The following CERK variants were observed in gnomAD, a reference collection of about 807,000 sequenced individuals.
The protein encoded by CERK is ceramide kinase.
In CERK, 39 loss-of-function variants were observed where a neutral mutation model predicts 63.4. The ratio of observed to expected loss-of-function variants is 0.61; its 90% CI spans 0.48 to 0.80. The LOEUF is 0.80. CERK is among the 30% of genes least tolerant of loss of function. The pLI is 0.00. For synonymous variants in CERK, 302 were observed against 280.0 expected, an observed-to-expected ratio of 1.08 and a Z score of -0.78; for missense variants, 670 against 714.1, an observed-to-expected ratio of 0.94 and a Z score of 0.70.
intron 3 of CERK, among the ~76,000 whole-genome samples, chr22:46,718,053 G>A (rs958379236): frequency 5.3e-5 from 8 of 152,024 alleles, no homozygotes; most frequent in Non-Finnish European, 7.4e-5. Flanking sequence ...ACTCCAGCCC[G>A]GATGATGGAG....
chr22:46,707,012 C>T (rs989850910), intron 6 of CERK, among the ~76,000 whole-genome samples: 2 of 152,076 alleles, frequency 1.3e-5, no homozygotes, highest in Admixed American at 1.3e-4. Flanking sequence ...TGAGGGCTAG[C>T]CTTTCCCTTG....
chr22:46,691,084 C>CACACACACACACACACAT (rs1488775318), intron 11 of CERK, among the ~76,000 whole-genome samples: 8 of 151,202 alleles, frequency 5.3e-5, no homozygotes, highest in Admixed American at 2.6e-4. Context: ...CACACACACA[C>CACACACACACACACACAT]ATATATTTGA....
At chr22:46,724,747 G>A (rs182645010) in intron 1 of CERK, among the ~76,000 whole-genome samples, 1 of 152,146 alleles carries the variant, frequency 6.6e-6, no homozygotes, top group African/African-American at 2.4e-5. Context: ...CAGCAGGGCG[G>A]GGTGGCTCAC....
Position 46,721,001 on chromosome 22 carries a change from G to A in CERK, c.157C>T (p.Pro53Ser), listed in dbSNP as rs762158435. 4.3e-6 allele frequency: 7 copies of A among 1,611,308 alleles called. No individual in the cohort carries two copies. In the Admixed American group the frequency reaches 1.2e-4, roughly 27 times the overall value. ...TCAACGGCGATGATCTCAGATACAG[G>A]CACAGAGCAGGCATCTGTAAAAACA... ...GAPGADACSV[P>S]VSEIIAVEET... The change falls in exon 2 of 13, where the codon CCT becomes TCT. Residue 53 changes from proline (P) to serine (S), a missense_variant. Coordinates refer to ENST00000216264, the MANE Select transcript of CERK (RefSeq NM_022766.6).
At chr22:46,691,911 C>T (rs1569318657) in intron 10 of CERK, 134 bp from the exon 11 acceptor site, 3 of 645,900 alleles carry the variant, frequency 4.6e-6, no homozygotes, top group East Asian at 5.6e-5. Flanking sequence ...ATCGACTCTT[C>T]AGCTCAACAC....
chr22:46,698,109 C>T (rs1242804124), intron 8 of CERK, among the ~76,000 whole-genome samples: 1 of 152,230 alleles, frequency 6.6e-6, no homozygotes, highest in Non-Finnish European at 1.5e-5. Context: ...TGCAGGTGCC[C>T]ACCACAGTCT....
chr22:46,695,296 G>A lies in CERK; in HGVS notation c.963C>T (p.Ser321=). The part of the protein sequence containing the change: ...YDFSGLKTFL[S]HHCYEGTVSF... ...ACACTGTCCCTTCATAGCAGTGGTGGGAGAGGAAGGTCTTTAAACCTGGGA... is the reference window on the plus strand; with the variant it reads ...ACACTGTCCCTTCATAGCAGTGGTGAGAGAGGAAGGTCTTTAAACCTGGGA... The change falls in exon 9 of 13, where the codon TCC becomes TCT. Residue 321 remains serine, a synonymous_variant. Coordinates refer to ENST00000216264, the MANE Select transcript of CERK (RefSeq NM_022766.6). 1.2e-6 allele frequency: 2 copies of A among 1,606,806 alleles called. No individual in the cohort carries two copies. Among genetic ancestry groups the A allele is most frequent in the Non-Finnish European group, 1.7e-6 (2 of 1,173,314 alleles).
chr22:46,734,593 CA>C (rs1217674788), intron 1 of CERK, among the ~76,000 whole-genome samples: 1 of 152,190 alleles, frequency 6.6e-6, no homozygotes, highest in East Asian at 1.9e-4. Flanking sequence ...ACACAATTAT[CA>C]AAATTTAACC....
intron 3 of CERK, among the ~76,000 whole-genome samples, chr22:46,719,532 C>T (rs1352117368): frequency 6.6e-6 from 1 of 152,106 alleles, no homozygotes; most frequent in Non-Finnish European, 1.5e-5. Context: ...ATTAGCCAGG[C>T]GTGGTGGCGC....
intron 1 of CERK, among the ~76,000 whole-genome samples, chr22:46,722,969 G>A (rs942150941): frequency 6.6e-6 from 1 of 152,208 alleles, no homozygotes; most frequent in Non-Finnish European, 1.5e-5. Flanking sequence ...AGGCCGCTGG[G>A]AAGGAAAGGG....
chr22:46,689,246 C>A (rs2082718208), intron 12 of CERK, among the ~76,000 whole-genome samples: 1 of 152,266 alleles, frequency 6.6e-6, no homozygotes, highest in South Asian at 2.1e-4. Context: ...CCCAGCCCTG[C>A]TGCCTCCTGC....
At chr22:46,702,221 A>ATGTGTGTGTGTGTGTGTG (rs1466132272) in intron 6 of CERK, among the ~76,000 whole-genome samples, 1 of 113,370 alleles carries the variant, frequency 8.8e-6, no homozygotes, top group African/African-American at 3.5e-5. Context: ...AAAAATATAT[A>ATGTGTGTGTGTGTGTGTG]TATGTGTGTG....
At chr22:46,706,720 G>C (rs951002307) in intron 6 of CERK, among the ~76,000 whole-genome samples, 1 of 152,108 alleles carries the variant, frequency 6.6e-6, no homozygotes, top group African/African-American at 2.4e-5. Context: ...CATGACCATG[G>C]TCAACTTGTT....
intron 6 of CERK, among the ~76,000 whole-genome samples, chr22:46,707,416 C>T (rs1033383495): frequency 2.0e-5 from 3 of 152,198 alleles, no homozygotes; most frequent in African/African-American, 7.2e-5. Context: ...TTGGTTCCGC[C>T]CCCACCTTTC....
chr22:46,712,868 G>A (rs2082848588), intron 3 of CERK, among the ~76,000 whole-genome samples: 1 of 146,174 alleles, frequency 6.8e-6, no homozygotes, highest in South Asian at 2.2e-4. Context: ...TTTTTGAGAT[G>A]GAGTCTCGCT....
intron 10 of CERK, among the ~76,000 whole-genome samples, chr22:46,693,165 G>A (rs1272298599): frequency 1.3e-5 from 2 of 152,166 alleles, no homozygotes; most frequent in African/African-American, 4.8e-5. Flanking sequence ...ACCTGGGACA[G>A]GAGTCCAGAC....
In CERK at chr22:46,686,492, G is replaced by C. The variant is rs1336808829; in HGVS notation, c.*642C>G. The C allele has an allele frequency of 2.0e-5, 3 of 153,258 alleles. No homozygotes were observed. Among genetic ancestry groups the C allele is most frequent in the African/African-American group, 7.2e-5 (3 of 41,476 alleles). The allele number at this position is 153,258 out of a possible 1,614,324, so 9.5% of individuals were successfully genotyped here. A position where few individuals can be genotyped will look rare whatever the true frequency, so the allele number is the denominator to read the frequency against. On this transcript the variant is annotated 3_prime_UTR_variant, in exon 13 of 13. Transcript: ENST00000216264. ...CCAAGGTCATGCTCCCAGCCGGATT[G>C]TCGTAGCCTCGCCGCCGTGATGAGG...
chr22:46,705,910 G>A lies in CERK; in HGVS notation c.715+1933C>T, dbSNP rs542160393. Among the ~76,000 whole-genome samples, 12 of 152,222 alleles carry A rather than the reference G, an allele frequency of 7.9e-5. No individual in the cohort carries two copies. The South Asian group carries it at 1.2e-3, about 16-fold the overall frequency. ...AAGTTGGCCGAGTGTGGTGGTGCAC[G>A]CCTGTGGTCCCAGCTACTTGGGAGG... On this transcript the variant is annotated intron_variant, in intron 6 of 12. Coordinates refer to ENST00000216264, the MANE Select transcript of CERK (RefSeq NM_022766.6).
chr22:46,705,405 C>T (rs1174202075), intron 6 of CERK, among the ~76,000 whole-genome samples: 2 of 152,226 alleles, frequency 1.3e-5, no homozygotes, highest in Non-Finnish European at 2.9e-5. Context: ...GGTCCAGTGG[C>T]TCATGCCTGT....
Sources: gnomAD v4.1 joint callset for allele counts (sites outside exome capture counted in the v4.1 genomes callset) on GRCh38, gnomAD v4.1.1 for gene constraint, MANE v1.5 for transcripts, NCBI Gene and HGNC (gene_info 2026-07-23, HGNC 2026-07-21) for gene names.